Variants in KALRN observed in about 807,000 individuals in gnomAD.
The protein encoded by KALRN is kalirin.
Under a neutral mutation model 353.7 loss-of-function variants are expected in KALRN, and 70 were observed. The observed-to-expected ratio is 0.20, with a 90% confidence interval of 0.16 to 0.24. The LOEUF (loss-of-function observed/expected upper bound fraction) is 0.24. Among genes scored for constraint, KALRN ranks in the 10% least tolerant of loss-of-function variants. The pLI is 1.00. For synonymous variants in KALRN, 1,391 were observed against 1,434.8 expected, an observed-to-expected ratio of 0.97 and a Z score of 0.69; for missense variants, 2,791 against 3,756.7, an observed-to-expected ratio of 0.74 and a Z score of 6.72.
chr3:124,328,373 G>A (rs952873770), intron 7 of KALRN, among the ~76,000 whole-genome samples: 13 of 152,090 alleles, frequency 8.5e-5, no homozygotes, highest in African/African-American at 3.1e-4. Context: ...TTCTCTCTTT[G>A]TCTCTCTGGC....
intron 34 of KALRN, among the ~76,000 whole-genome samples, chr3:124,590,116 G>A (rs1005847234): frequency 1.3e-4 from 20 of 152,022 alleles, no homozygotes; most frequent in African/African-American, 3.6e-4. Context: ...TCTTCAACCC[G>A]AATCCTATGC....
intron 1 of KALRN, among the ~76,000 whole-genome samples, chr3:124,135,443 T>C (rs985714539): frequency 6.6e-6 from 1 of 152,108 alleles, no homozygotes; most frequent in Non-Finnish European, 1.5e-5. Flanking sequence ...GCTTGGGTGA[T>C]GGGTGCACCA....
chr3:124,535,458 C>T (rs1324526869), intron 33 of KALRN, among the ~76,000 whole-genome samples: 1 of 152,206 alleles, frequency 6.6e-6, no homozygotes, highest in African/African-American at 2.4e-5. Context: ...CTTGCCCCTT[C>T]AGTCTGCTTC....
At chr3:124,331,835 C>G (rs1431200779) in intron 8 of KALRN, among the ~76,000 whole-genome samples, 1 of 152,184 alleles carries the variant, frequency 6.6e-6, no homozygotes, top group Admixed American at 6.5e-5. Context: ...TCCCTCCAAG[C>G]CCACTTCAGA....
chr3:124,714,772 T>G (rs1421172670), intron 58 of KALRN, among the ~76,000 whole-genome samples: 1 of 152,100 alleles, frequency 6.6e-6, no homozygotes, highest in Admixed American at 6.5e-5. Context: ...TTCTAGCACT[T>G]TGAGAGGCCG....
At position 124,385,006 on chromosome 3, in the gene KALRN, G is replaced by A; in HGVS notation, c.1932G>A (p.Met644Ile). 2 of 1,610,724 alleles carry A rather than the reference G, an allele frequency of 1.2e-6. No individual in the cohort carries two copies. The highest frequency in any genetic ancestry group is 1.7e-6 in the Non-Finnish European group (2 of 1,178,108). ...AGCAGCGGAAGCTTCTCCTGGACAT[G>A]TCTGTTTCCTTCCACACACACACCA... Reference protein sequence around the residue: ...RVEQRKLLLDMSVSFHTHTKE... With the variant: ...RVEQRKLLLDISVSFHTHTKE... Residue 644 changes from methionine to isoleucine, a missense_variant, in exon 11 of 60, where the codon ATG becomes ATA. Physicochemically the swap from Met to Ile is conservative, Grantham distance 10. This residue lies in a region of KALRN where 452 missense variants were observed against 575.8 expected (regional missense o/e 0.78). Transcript: ENST00000682506.
At chr3:124,347,014 C>T in intron 9 of KALRN, 129 bp from the exon 10 acceptor site, 1 of 1,377,594 alleles carries the variant, frequency 7.3e-7, no homozygotes, top group Non-Finnish European at 1.0e-6. Flanking sequence ...TTGACCATTT[C>T]CACCTGAACT....
intron 6 of KALRN, among the ~76,000 whole-genome samples, chr3:124,314,259 C>T (rs2078581483): frequency 6.8e-6 from 1 of 148,106 alleles, no homozygotes. Context: ...GACAGAAAAC[C>T]AAACACCGCA....
intron 10 of KALRN, among the ~76,000 whole-genome samples, chr3:124,349,437 A>G (rs1175331887): frequency 6.6e-6 from 1 of 152,056 alleles, no homozygotes; most frequent in Non-Finnish European, 1.5e-5. Flanking sequence ...ACTTTCTTAA[A>G]ACATTATGAT....
At chr3:124,491,496 T>G in intron 31 of KALRN, 72 bp downstream of exon 31, 1 of 1,173,580 alleles carries the variant, frequency 8.5e-7, no homozygotes, top group Non-Finnish European at 1.2e-6. Context: ...AAGTGACACC[T>G]CAAAGCTAAG....
chr3:124,219,749 G>A (rs1043878669), intron 1 of KALRN, among the ~76,000 whole-genome samples: 5 of 152,082 alleles, frequency 3.3e-5, no homozygotes, highest in South Asian at 4.2e-4. Context: ...GGGTGACAGC[G>A]ATGAAGGAAG....
intron 10 of KALRN, among the ~76,000 whole-genome samples, chr3:124,358,448 C>G (rs1293308555): frequency 1.3e-5 from 2 of 152,014 alleles, no homozygotes; most frequent in Non-Finnish European, 2.9e-5. Flanking sequence ...CCAAAGAGAT[C>G]CGAAAGGCAA....
At chr3:124,323,984 G>T (rs1184701035) in intron 6 of KALRN, among the ~76,000 whole-genome samples, 2 of 152,162 alleles carry the variant, frequency 1.3e-5, no homozygotes, top group African/African-American at 4.8e-5. Flanking sequence ...TGTGGGTTCG[G>T]CTGGAAATGC....
rs371775866 is a variant in KALRN, at chr3:124,549,772, A to G, written c.4936-13071A>G. Among the ~76,000 whole-genome samples the G allele has an allele frequency of 1.9e-4, 29 of 152,130 alleles. 1 individual carries two copies. In the East Asian group the frequency reaches 2.9e-3, roughly 15 times the overall value. On this transcript the variant is annotated intron_variant, in intron 33 of 59. Transcript: ENST00000682506. The stretch of plus-strand genomic sequence containing the variant: ...GGTGGGGAATTGAGAGTTGTACTTG[A>G]CCTCCAAAAGCAGGAAAGACAGGGT...
chr3:124,614,709 A>G (rs769581667), intron 34 of KALRN, among the ~76,000 whole-genome samples: 5 of 151,888 alleles, frequency 3.3e-5, no homozygotes, highest in Non-Finnish European at 5.9e-5. Flanking sequence ...AGCTGGGACT[A>G]TGGGTGTGCA....
intron 36 of KALRN, among the ~76,000 whole-genome samples, chr3:124,636,365 C>A (rs897426939): frequency 3.9e-5 from 6 of 152,166 alleles, no homozygotes; most frequent in East Asian, 1.9e-4. Context: ...AAACAAAAAA[C>A]CACCATCCTT....
At chr3:124,047,938 C>T (rs940957394) in intron 1 of KALRN, among the ~76,000 whole-genome samples, 15 of 152,020 alleles carry the variant, frequency 9.9e-5, no homozygotes, top group Non-Finnish European at 1.6e-4. Flanking sequence ...AGAGAGAACC[C>T]GTTTGCTGAT....
intron 33 of KALRN, among the ~76,000 whole-genome samples, chr3:124,522,715 G>C (rs889715999): frequency 1.3e-5 from 2 of 152,288 alleles, no homozygotes; most frequent in Admixed American, 6.5e-5. Context: ...AATGCTGGTG[G>C]TCCAGGGACC....
intron 34 of KALRN, among the ~76,000 whole-genome samples, chr3:124,599,151 T>C (rs185354801): frequency 5.3e-4 from 81 of 152,320 alleles, no homozygotes; most frequent in African/African-American, 1.9e-3. Context: ...ATTATTTGTG[T>C]TCTCTACCAA....
Sources: gnomAD v4.1 joint callset for allele counts (sites outside exome capture counted in the v4.1 genomes callset) on GRCh38, gnomAD v4.1.1 for gene constraint, gnomAD v4.1.1 regional missense constraint, MANE v1.5 for transcripts, NCBI Gene and HGNC (gene_info 2026-07-23, HGNC 2026-07-21) for gene names.